Variants in PATJ observed in about 807,000 individuals in gnomAD.
PATJ encodes PATJ crumbs cell polarity complex component.
PATJ carries 190 observed loss-of-function variants against 224.9 expected under a neutral mutation model. The ratio of observed to expected loss-of-function variants is 0.84; its 90% CI spans 0.75 to 0.95. The LOEUF (loss-of-function observed/expected upper bound fraction) is 0.95, where lower values mean the gene tolerates loss of function less well. Ranked by LOEUF, PATJ falls within the 40% of genes least tolerant of loss-of-function variation. The pLI, the probability that PATJ is intolerant of heterozygous loss-of-function variation, is 0.00. For synonymous variants in PATJ, 769 were observed against 820.3 expected, an observed-to-expected ratio of 0.94 and a Z score of 1.07; for missense variants, 2,121 against 2,270.3, an observed-to-expected ratio of 0.93 and a Z score of 1.34.
rs139642947 is a variant in PATJ, at chr1:61,758,982, A to G, written c.-35-3876A>G. On this transcript the variant is annotated intron_variant, in intron 1 of 43. Transcript: ENST00000642238. Reference sequence around the variant, plus strand: ...CCAGCTAGCCATGCCCCAGACATCCATAAATTCTCAGATTATTTACAGAAG... The same window carrying G: ...CCAGCTAGCCATGCCCCAGACATCCGTAAATTCTCAGATTATTTACAGAAG... Among the ~76,000 whole-genome samples the G allele has an allele frequency of 1.4e-3, 206 of 152,350 alleles. 1 individual carries two copies. The highest frequency in any genetic ancestry group is 4.5e-3 in the African/African-American group (189 of 41,582).
chr1:62,018,691 G>A lies in PATJ; in HGVS notation c.3959+744G>A, dbSNP rs925720055. Among the ~76,000 whole-genome samples the A allele has an allele frequency of 1.3e-5, 2 of 152,136 alleles. No individual in the cohort carries two copies. The highest frequency in any genetic ancestry group is 6.5e-5 in the Admixed American group (1 of 15,272). The stretch of plus-strand genomic sequence containing the variant: ...ATCATCTGTAAAATGGGATAATAAA[G>A]CATCTCCCTCATTCATTGTGATATT... On this transcript the variant is annotated intron_variant, in intron 29 of 43. Transcript: ENST00000642238. The surrounding 1 kb of genome is among the most constrained non-coding windows in gnomAD (Gnocchi z 4.2).
intron 23 of PATJ, 31 bp downstream of exon 23, chr1:61,899,685 A>G (rs1484200535): frequency 2.1e-6 from 3 of 1,443,866 alleles, no homozygotes; most frequent in Non-Finnish European, 2.9e-6. Flanking sequence ...TGGCTTTCTC[A>G]ATAGGAGCAC....
chr1:61,932,172 G>GC (rs1003511721), intron 27 of PATJ, among the ~76,000 whole-genome samples: 12 of 151,914 alleles, frequency 7.9e-5, no homozygotes, highest in Admixed American at 7.9e-4. Flanking sequence ...TTCCCTGCCT[G>GC]CCCCCCCAAC....
At chr1:61,869,097 A>ATTTTTTTTTTTTTTTTTTTTT (rs113334846) in intron 20 of PATJ, among the ~76,000 whole-genome samples, 2 of 125,512 alleles carry the variant, frequency 1.6e-5, no homozygotes, top group Non-Finnish European at 3.3e-5. Context: ...TGGAAATAAC[A>ATTTTTTTTTTTTTTTTTTTTT]TTTTTTTTTT....
At chr1:61,813,251 A>T (rs954625803) in intron 14 of PATJ, among the ~76,000 whole-genome samples, 5 of 149,752 alleles carry the variant, frequency 3.3e-5, no homozygotes, top group African/African-American at 7.4e-5. Flanking sequence ...CAGGCAGAAG[A>T]TGTTCTTTCT....
chr1:61,768,054 G>A (rs1410155226), intron 4 of PATJ, among the ~76,000 whole-genome samples: 1 of 151,986 alleles, frequency 6.6e-6, no homozygotes, highest in Non-Finnish European at 1.5e-5. Flanking sequence ...TCTCATAAGT[G>A]CAGTTACTAA....
At chr1:61,877,973 C>T (rs192507835) in intron 21 of PATJ, among the ~76,000 whole-genome samples, 11 of 152,288 alleles carry the variant, frequency 7.2e-5, no homozygotes, top group African/African-American at 2.4e-4. Flanking sequence ...CTGCGTGAAG[C>T]GCTGTGACAG....
intron 24 of PATJ, among the ~76,000 whole-genome samples, chr1:61,903,744 T>G (rs549754625): frequency 6.6e-6 from 1 of 150,714 alleles, no homozygotes; most frequent in South Asian, 2.1e-4. Flanking sequence ...AACCTTGTTT[T>G]ATTTTAGTTA....
chr1:62,000,874 T>C (rs145491230), intron 28 of PATJ, among the ~76,000 whole-genome samples: 30 of 151,310 alleles, frequency 2.0e-4, no homozygotes, highest in African/African-American at 6.6e-4. Context: ...TTCCTGACTT[T>C]TTAATGATTG....
chr1:62,050,917 T>A, intron 30 of PATJ, 49 bp from the exon 31 acceptor site: 2 of 1,342,188 alleles, frequency 1.5e-6, no homozygotes, highest in Non-Finnish European at 2.1e-6. Context: ...TTCGAGGGAG[T>A]GTAAGTGAAG....
At chr1:62,047,582 A>G (rs573254512) in intron 30 of PATJ, among the ~76,000 whole-genome samples, 24 of 152,152 alleles carry the variant, frequency 1.6e-4, no homozygotes, top group Non-Finnish European at 2.6e-4. Context: ...CCACTTGGCC[A>G]CCGTAACCTC....
rs56167585 is a variant in PATJ at position 62,150,679 on chromosome 1, G to GAAAAA, written c.5378+2309_5378+2313dup. Among the ~76,000 whole-genome samples the GAAAAA allele has an allele frequency of 5.6e-4, 46 of 81,982 alleles. 1 individual carries two copies. The highest frequency in any genetic ancestry group is 1.3e-3 in the East Asian group (3 of 2,396). 53.8% of individuals were successfully genotyped at this position (81,982 alleles called of 152,430 possible). On this transcript the variant is annotated intron_variant, in intron 42 of 43. Transcript: ENST00000642238. ...GAGACAGAACAAGACCCTGTCTCAAGAAAAAAAAAAAAAAAAAAAAAAAAG... is the reference window on the plus strand; with the variant it reads ...GAGACAGAACAAGACCCTGTCTCAAGAAAAAAAAAAAAAAAAAAAAAAAAAAAAAG...
At chr1:61,963,670 A>G (rs1681652172) in intron 27 of PATJ, among the ~76,000 whole-genome samples, 1 of 152,168 alleles carries the variant, frequency 6.6e-6, no homozygotes, top group African/African-American at 2.4e-5. Context: ...ATCATCATAA[A>G]GGTCTTCATC....
chr1:62,056,480 A>ACCACGC (rs1187451578), intron 31 of PATJ, among the ~76,000 whole-genome samples: 1 of 152,000 alleles, frequency 6.6e-6, no homozygotes, highest in East Asian at 1.9e-4. Context: ...GTGAGCTATG[A>ACCACGC]CCACGCCCCT....
chr1:62,102,503 T>C (rs1293352557), intron 33 of PATJ, among the ~76,000 whole-genome samples: 1 of 151,958 alleles, frequency 6.6e-6, no homozygotes, highest in African/African-American at 2.4e-5. Context: ...GTGAATAATA[T>C]AGGTGCACAG....
chr1:61,838,648 G>A (rs1462778067), intron 17 of PATJ, among the ~76,000 whole-genome samples: 1 of 151,440 alleles, frequency 6.6e-6, no homozygotes, highest in African/African-American at 2.4e-5. Flanking sequence ...GGGATTACAG[G>A]CGTGAGCCAC....
Position 61,901,230 on chromosome 1 carries a change from C to G in PATJ, c.3204-52C>G. On this transcript the variant is annotated intron_variant, in intron 23 of 43. Transcript: ENST00000642238. ...ATGATGCAAATGGAATACTTACAGT[C>G]CAACAGATTAAACTTGTTGATGAGT... The G allele has an allele frequency of 3.4e-6, 4 of 1,170,246 alleles. No individual in the cohort carries two copies. The South Asian group carries it at 7.5e-5, about 22-fold the overall frequency. 72.5% of individuals were successfully genotyped at this position (1,170,246 alleles called of 1,614,324 possible).
intron 27 of PATJ, among the ~76,000 whole-genome samples, chr1:61,955,143 C>G (rs1680266872): frequency 6.6e-6 from 1 of 152,066 alleles, no homozygotes. Context: ...ATTATTATTC[C>G]CATTTTTAGA....
chr1:61,841,767 G>C (rs1458004566), intron 17 of PATJ, among the ~76,000 whole-genome samples: 1 of 151,930 alleles, frequency 6.6e-6, no homozygotes, highest in Admixed American at 6.6e-5. Context: ...GTCACTTTTT[G>C]CTTAACGGAA....
Sources: allele counts gnomAD v4.1 joint callset (sites outside exome capture counted in the v4.1 genomes callset), GRCh38; gene constraint gnomAD v4.1.1; non-coding constraint Gnocchi (gnomAD v3.1); transcripts MANE v1.5; gene names NCBI Gene and HGNC (gene_info 2026-07-23, HGNC 2026-07-21).